The following KCNK9 variants were observed in gnomAD, a reference collection of about 807,000 sequenced individuals.
The protein encoded by KCNK9 is potassium two pore domain channel subfamily K member 9.
In KCNK9, 1 loss-of-function variant was observed where a neutral mutation model predicts 10.8. The observed-to-expected ratio is 0.09, with a 90% CI of 0.03 to 0.44. The LOEUF is 0.44. Ranked by LOEUF, KCNK9 falls within the 20% of genes least tolerant of loss-of-function variation. The pLI, the probability that KCNK9 is intolerant of heterozygous loss-of-function variation, is 0.97. For missense variants in KCNK9, 303 were observed against 515.0 expected (o/e 0.59, Z 3.98); for synonymous variants, 231 against 222.7 (o/e 1.04, Z -0.33).
chr8:139,697,073 G>A lies in KCNK9; in HGVS notation c.283+5637C>T, dbSNP rs140027477. On this transcript the variant is annotated intron_variant, in intron 1 of 1. Coordinates refer to ENST00000520439, the MANE Select transcript of KCNK9 (RefSeq NM_001282534.2). ...ATGGTGAATGAATGGATTGATGGAC[G>A]GGTGGACGGGTGGGTGAACAGATGG... Among the ~76,000 whole-genome samples the A allele has an allele frequency of 3.9e-3, 587 of 151,958 alleles. 2 individuals are homozygous for A. Among genetic ancestry groups the A allele is most frequent in the Admixed American group, 7.1e-3 (108 of 15,256 alleles).
intron 1 of KCNK9, among the ~76,000 whole-genome samples, chr8:139,627,033 T>C (rs1357226724): frequency 6.6e-6 from 1 of 152,158 alleles, no homozygotes; most frequent in African/African-American, 2.4e-5. Context: ...AAGTGATGCA[T>C]GGGTCGCGCG....
At position 139,693,375 on chromosome 8, in the gene KCNK9, A is replaced by G. The variant is rs1344800051; in HGVS notation, c.283+9335T>C. ...AACCTGTTGTCTTCCATTAAAAGCA[A>G]CAGCTTGAGTTCAAAAGGCTGCAGC... On this transcript the variant is annotated intron_variant, in intron 1 of 1. Transcript: ENST00000520439. This position sits in a 1 kb window ranked among gnomAD's most constrained non-coding sequence, Gnocchi z 4.1. Among the ~76,000 whole-genome samples, 2 of 152,038 alleles carry G rather than the reference A, an allele frequency of 1.3e-5. No individual in the cohort carries two copies. The highest frequency in any genetic ancestry group is 4.8e-5 in the African/African-American group (2 of 41,386).
At chr8:139,663,003 G>A (rs1816202144) in intron 1 of KCNK9, among the ~76,000 whole-genome samples, 1 of 151,944 alleles carries the variant, frequency 6.6e-6, no homozygotes, top group Non-Finnish European at 1.5e-5. Flanking sequence ...TTCACACCAG[G>A]GCAGCACCCC....
downstream of KCNK9, among the ~76,000 whole-genome samples, chr8:139,614,711 T>C (rs1333226282): frequency 6.6e-6 from 1 of 152,230 alleles, no homozygotes; most frequent in Non-Finnish European, 1.5e-5. Flanking sequence ...CCACCCAGGA[T>C]GGGTGCAATG....
intron 1 of KCNK9, among the ~76,000 whole-genome samples, chr8:139,666,337 A>ACTAAGCAC (rs1454898312): frequency 6.6e-6 from 1 of 152,216 alleles, no homozygotes; most frequent in Non-Finnish European, 1.5e-5. Context: ...ATTACCATGT[A>ACTAAGCAC]CTAAGCACGG....
intron 1 of KCNK9, among the ~76,000 whole-genome samples, chr8:139,636,075 T>G (rs1417591784): frequency 6.6e-6 from 1 of 152,216 alleles, no homozygotes; most frequent in Non-Finnish European, 1.5e-5. Context: ...GTTCATTCCA[T>G]GTACAAAGAC....
chr8:139,606,844 T>C (rs1055272493), intron 2 of KCNK9, among the ~76,000 whole-genome samples: 1 of 152,224 alleles, frequency 6.6e-6, no homozygotes, highest in East Asian at 1.9e-4. Context: ...TAATCTGTTT[T>C]CTTATTTAAA....
At chr8:139,660,604 G>A (rs1816129363) in intron 1 of KCNK9, among the ~76,000 whole-genome samples, 1 of 152,008 alleles carries the variant, frequency 6.6e-6, no homozygotes, top group Admixed American at 6.6e-5. Flanking sequence ...CTGGGCGACA[G>A]AGGGACACCC....
At chr8:139,673,937 G>A (rs958252134) in intron 1 of KCNK9, among the ~76,000 whole-genome samples, 1 of 152,048 alleles carries the variant, frequency 6.6e-6, no homozygotes, top group African/African-American at 2.4e-5. Context: ...CTCCAGCCAC[G>A]GCAGCCCCGC....
At chr8:139,614,505 A>T (rs1377225390), downstream of KCNK9, among the ~76,000 whole-genome samples, 3 of 152,178 alleles carry the variant, frequency 2.0e-5, no homozygotes, top group Admixed American at 6.5e-5. Flanking sequence ...AGATGCTTCC[A>T]AGGGGGTTCA....
At chr8:139,683,524 C>T (rs567876442) in intron 1 of KCNK9, among the ~76,000 whole-genome samples, 2 of 152,330 alleles carry the variant, frequency 1.3e-5, no homozygotes, top group South Asian at 2.1e-4. Context: ...AGCCACTAGA[C>T]TTCAAAGCCA....
At chr8:139,685,421 A>C (rs1461448083) in intron 1 of KCNK9, among the ~76,000 whole-genome samples, 1 of 152,058 alleles carries the variant, frequency 6.6e-6, no homozygotes, top group African/African-American at 2.4e-5. Flanking sequence ...TCCTAACGCT[A>C]TCTCTCCCAC....
chr8:139,668,584 G>A (rs1413409064), intron 1 of KCNK9, among the ~76,000 whole-genome samples: 1 of 152,094 alleles, frequency 6.6e-6, no homozygotes, highest in Non-Finnish European at 1.5e-5. Context: ...ACCACGTCCA[G>A]CTAATTTTTG....
At chr8:139,676,350 G>T (rs1372451490) in intron 1 of KCNK9, among the ~76,000 whole-genome samples, 1 of 152,210 alleles carries the variant, frequency 6.6e-6, no homozygotes. Flanking sequence ...GCTACTTGTT[G>T]TCTCCTGCTC....
At chr8:139,677,771 A>T (rs1174269363) in intron 1 of KCNK9, among the ~76,000 whole-genome samples, 1 of 145,966 alleles carries the variant, frequency 6.9e-6, no homozygotes, top group African/African-American at 2.8e-5. Context: ...ATCTGATCCC[A>T]ATGTGTCCCC....
At chr8:139,627,394 C>A (rs1003764743) in intron 1 of KCNK9, among the ~76,000 whole-genome samples, 2 of 152,176 alleles carry the variant, frequency 1.3e-5, no homozygotes, top group South Asian at 4.1e-4. Flanking sequence ...CAGCAAAAGC[C>A]TCAGGGTTTG....
chr8:139,679,911 T>A (rs1422183193), intron 1 of KCNK9, among the ~76,000 whole-genome samples: 1 of 152,122 alleles, frequency 6.6e-6, no homozygotes, highest in Non-Finnish European at 1.5e-5. Context: ...CTGGGTGCCT[T>A]TCTCATATGC....
At chr8:139,631,229 C>A (rs1815162445) in intron 1 of KCNK9, among the ~76,000 whole-genome samples, 1 of 152,260 alleles carries the variant, frequency 6.6e-6, no homozygotes, top group Non-Finnish European at 1.5e-5. Flanking sequence ...CCATCAGTGG[C>A]CTTTCAGCAT....
At chr8:139,619,157 G>C in intron 1 of KCNK9, 58 bp from the exon 2 acceptor site, 1 of 1,597,262 alleles carries the variant, frequency 6.3e-7, no homozygotes, top group Non-Finnish European at 8.5e-7. Context: ...CTAGAGGTTG[G>C]GGGAAGGGAG....
Sources: gnomAD v4.1 joint callset for allele counts (sites outside exome capture counted in the v4.1 genomes callset) on GRCh38, gnomAD v4.1.1 for gene constraint, Gnocchi (gnomAD v3.1) non-coding constraint, MANE v1.5 for transcripts, NCBI Gene and HGNC (gene_info 2026-07-23, HGNC 2026-07-21) for gene names.